VOPP1: variants seen among roughly 807,000 people sequenced by gnomAD.
The protein encoded by VOPP1 is WW domain binding protein VOPP1.
In VOPP1, 8 loss-of-function variants were observed where a neutral mutation model predicts 23.5. The ratio of observed to expected loss-of-function variants is 0.34; its 90% CI spans 0.20 to 0.61. The LOEUF (loss-of-function observed/expected upper bound fraction) is 0.61, where lower values mean the gene tolerates loss of function less well. Ranked by LOEUF, VOPP1 falls within the 20% of genes least tolerant of loss-of-function variation. The pLI is 0.78. For synonymous variants in VOPP1, 83 were observed against 97.3 expected (o/e 0.85, Z 0.86); for missense variants, 174 against 238.1 (o/e 0.73, Z 1.77).
chr7:55,503,455 A>G (rs966159189), intron 2 of VOPP1, among the ~76,000 whole-genome samples: 11 of 152,348 alleles, frequency 7.2e-5, no homozygotes, highest in African/African-American at 2.6e-4. Flanking sequence ...AGGAAAGGAT[A>G]ACATACTAGG....
chr7:55,543,439 T>C (rs1013185826), intron 1 of VOPP1, among the ~76,000 whole-genome samples: 1 of 152,164 alleles, frequency 6.6e-6, no homozygotes, highest in African/African-American at 2.4e-5. Context: ...TACCTGGCAA[T>C]GAGATTGCTA....
At chr7:55,443,141 T>A (rs540959213) in intron 4 of VOPP1, among the ~76,000 whole-genome samples, 158 of 150,988 alleles carry the variant, frequency 1.0e-3, no homozygotes, top group Admixed American at 2.4e-3. Context: ...ATAAATAAAC[T>A]AAAAAATAAA....
In VOPP1 at chr7:55,497,563, G is replaced by C. The variant is rs772662024; in HGVS notation, c.191+50C>G. 3.3e-5 allele frequency: 46 copies of C among 1,408,464 alleles called. 2 individuals carry two copies. The highest frequency in any genetic ancestry group is 1.7e-4 in the African/African-American group (12 of 70,926). The allele number at this position is 1,408,464 out of a possible 1,614,324, so 87.2% of individuals were successfully genotyped here. A position where few individuals can be genotyped will look rare whatever the true frequency, so the allele number is the denominator to read the frequency against. On this transcript the variant is annotated intron_variant, in intron 3 of 4. Transcript: ENST00000285279. ...GCTGTGACAACACTGATGGGGGGGG[G>C]GGGGGGGCAGAGCTCTCGGGGTAGG... is the stretch of plus-strand genomic sequence containing the variant.
chr7:55,539,066 G>A lies in VOPP1; in HGVS notation c.55-17936C>T, dbSNP rs555047386. 2.6e-4 allele frequency among the ~76,000 whole-genome samples: 40 copies of A among 151,084 alleles called. 1 individual carries two copies. The East Asian group carries it at 7.2e-3, about 27-fold the overall frequency. ...GGGGGGGGGGGAGGGGCGGGGTGCC[G>A]GGTGTGATGGCTCACGCCTGTAATC... On this transcript the variant is annotated intron_variant, in intron 1 of 4. Coordinates refer to ENST00000285279, the MANE Select transcript of VOPP1 (RefSeq NM_030796.5).
chr7:55,444,451 A>C (rs1333035735), intron 4 of VOPP1, among the ~76,000 whole-genome samples: 1 of 152,208 alleles, frequency 6.6e-6, no homozygotes, highest in Non-Finnish European at 1.5e-5. Context: ...AGAGAGTCCA[A>C]GGCAGAAATT....
At chr7:55,564,752 T>C (rs1409060585) in intron 1 of VOPP1, among the ~76,000 whole-genome samples, 1 of 152,098 alleles carries the variant, frequency 6.6e-6, no homozygotes, top group African/African-American at 2.4e-5. Context: ...ACTCTGTTAA[T>C]CCACCCTGGG....
chr7:55,462,375 C>T lies in VOPP1; in HGVS notation n.418-26201G>A, dbSNP rs1377290452. On this transcript the variant is annotated intron_variant and non_coding_transcript_variant, in intron 4 of 4. Transcript: ENST00000462326. ...ATCTATTTGGGTATCTTTAAGCTTC[C>T]TGTATCTGGATGTCTAGATCTCTTC... Among the ~76,000 whole-genome samples the T allele has an allele frequency of 2.0e-5, 3 of 152,096 alleles. No individual in the cohort carries two copies. The East Asian group carries it at 5.8e-4, about 29-fold the overall frequency.
intron 1 of VOPP1, among the ~76,000 whole-genome samples, chr7:55,551,796 T>C (rs1391217156): frequency 6.6e-6 from 1 of 152,018 alleles, no homozygotes; most frequent in Non-Finnish European, 1.5e-5. Context: ...TCCCAGCACT[T>C]TGGGAGGCCC....
At chr7:55,517,368 C>T (rs946482267) in intron 2 of VOPP1, among the ~76,000 whole-genome samples, 2 of 152,218 alleles carry the variant, frequency 1.3e-5, no homozygotes, top group South Asian at 2.1e-4. Context: ...CACACCACAA[C>T]GCACCACAAC....
At chr7:55,515,941 T>C in intron 2 of VOPP1, 1 of 984,808 alleles carries the variant, frequency 1.0e-6, no homozygotes, top group African/African-American at 1.7e-5. Flanking sequence ...CCTACCTTTA[T>C]CTTCTCATCT....
At chr7:55,463,036 C>A (rs535188697) in intron 4 of VOPP1, among the ~76,000 whole-genome samples, 2 of 152,106 alleles carry the variant, frequency 1.3e-5, no homozygotes, top group South Asian at 4.2e-4. Flanking sequence ...TTTCTGATTT[C>A]TCTGTATTAT....
At chr7:55,494,039 G>T (rs1488934572) in intron 3 of VOPP1, among the ~76,000 whole-genome samples, 1 of 152,140 alleles carries the variant, frequency 6.6e-6, no homozygotes, top group African/African-American at 2.4e-5. Flanking sequence ...AGAACACAGA[G>T]CAGGTACTGG....
chr7:55,526,312 A>G (rs1796190534), intron 1 of VOPP1, among the ~76,000 whole-genome samples: 1 of 152,224 alleles, frequency 6.6e-6, no homozygotes, highest in Non-Finnish European at 1.5e-5. Context: ...GTATCTATAT[A>G]TGTAGTTAAG....
intron 3 of VOPP1, 83 bp from the exon 4 acceptor site, chr7:55,492,501 C>T (rs1185756011): frequency 8.2e-6 from 12 of 1,463,604 alleles, no homozygotes; most frequent in Non-Finnish European, 1.1e-5. Context: ...GCCTCATGCA[C>T]TCCTCGGGGG....
intron 1 of VOPP1, chr7:55,526,697 C>G (rs1383805648): frequency 6.6e-6 from 1 of 152,234 alleles, no homozygotes; most frequent in Non-Finnish European, 1.5e-5. Context: ...GACAAACTTG[C>G]AAACCAGCAG....
intron 4 of VOPP1, among the ~76,000 whole-genome samples, chr7:55,446,852 C>T (rs1791112550): frequency 6.6e-6 from 1 of 152,196 alleles, no homozygotes. Context: ...AACAACTGAA[C>T]AGGAATTTAT....
intron 4 of VOPP1, among the ~76,000 whole-genome samples, chr7:55,462,440 G>C (rs1002660873): frequency 6.6e-6 from 1 of 152,054 alleles, no homozygotes; most frequent in Non-Finnish European, 1.5e-5. Flanking sequence ...TCATTAAATA[G>C]GTTCTCTATG....
intron 4 of VOPP1, among the ~76,000 whole-genome samples, chr7:55,453,068 G>A (rs558813135): frequency 3.4e-4 from 52 of 152,290 alleles, no homozygotes; most frequent in African/African-American, 1.2e-3. Flanking sequence ...GTCGAGTGTA[G>A]CCACCCTCCT....
At chr7:55,532,211 A>C (rs1056302811) in intron 1 of VOPP1, among the ~76,000 whole-genome samples, 5 of 152,256 alleles carry the variant, frequency 3.3e-5, no homozygotes, top group African/African-American at 1.2e-4. Flanking sequence ...CCACATTTAA[A>C]GACAATGTGA....
Sources: allele counts gnomAD v4.1 joint callset (sites outside exome capture counted in the v4.1 genomes callset), GRCh38; gene constraint gnomAD v4.1.1; transcripts MANE v1.5; gene names NCBI Gene and HGNC (gene_info 2026-07-23, HGNC 2026-07-21).